The following RAB3IL1 variants were observed in gnomAD, a reference collection of about 807,000 sequenced individuals.
RAB3IL1 encodes RAB3A interacting protein like 1.
In RAB3IL1, 37 loss-of-function variants were observed where a neutral mutation model predicts 49.2. That is an observed-to-expected ratio of 0.75 (90% confidence interval 0.58 to 0.99). The LOEUF (loss-of-function observed/expected upper bound fraction) is 0.99, where lower values mean the gene tolerates loss of function less well. Among genes scored for constraint, RAB3IL1 ranks in the 50% least tolerant of loss-of-function variants. The pLI is 0.00. For missense variants in RAB3IL1, 484 were observed against 513.0 expected, an observed-to-expected ratio of 0.94 and a Z score of 0.55; for synonymous variants, 193 against 213.9, an observed-to-expected ratio of 0.90 and a Z score of 0.85.
chr11:61,932,972 T>A, the RAB3IL1 span, among the ~76,000 whole-genome samples: 4 of 152,284 alleles, frequency 2.6e-5, no homozygotes, highest in Middle Eastern at 0.01. Context: ...GATTTCACCA[T>A]GTTGGCCAGG....
At chr11:61,919,892 G>C, upstream of RAB3IL1, 1 of 465,854 alleles carries the variant, frequency 2.1e-6, no homozygotes, top group Non-Finnish European at 3.5e-6. Flanking sequence ...CCCTCTCTGA[G>C]CTTCAGTCTC....
chr11:61,919,275 G>T (rs887558843), upstream of RAB3IL1, among the ~76,000 whole-genome samples: 1 of 152,158 alleles, frequency 6.6e-6, no homozygotes, highest in Non-Finnish European at 1.5e-5. Context: ...CTGGTGGACC[G>T]GGGAGGCCCT....
the RAB3IL1 span, among the ~76,000 whole-genome samples, chr11:61,926,144 A>T: frequency 6.6e-6 from 1 of 150,866 alleles, no homozygotes; most frequent in Admixed American, 6.6e-5. Context: ...ATTAAAAGGC[A>T]AATAACTTGG....
chr11:61,932,046 T>C, the RAB3IL1 span, among the ~76,000 whole-genome samples: 3 of 152,030 alleles, frequency 2.0e-5, no homozygotes, highest in Non-Finnish European at 4.4e-5. Context: ...GGTCAGGAGT[T>C]TGAGACCATC....
upstream of RAB3IL1, among the ~76,000 whole-genome samples, chr11:61,921,074 G>C (rs1939895085): frequency 6.6e-6 from 1 of 151,998 alleles, no homozygotes; most frequent in Non-Finnish European, 1.5e-5. Flanking sequence ...CCAGGCTGGA[G>C]GGCAGCCTCA....
chr11:61,905,385 C>G (rs778620136), intron 5 of RAB3IL1, among the ~76,000 whole-genome samples: 4 of 151,974 alleles, frequency 2.6e-5, no homozygotes, highest in Non-Finnish European at 4.4e-5. Flanking sequence ...CTCTTTGGAG[C>G]CATTTACCTG....
chr11:61,934,420 A>ATGTGTG, the RAB3IL1 span, among the ~76,000 whole-genome samples: 1 of 61,822 alleles, frequency 1.6e-5, no homozygotes, highest in Non-Finnish European at 3.7e-5. Context: ...ATACATATAT[A>ATGTGTG]TGTGTATGTG....
Position 61,906,960 on chromosome 11 carries a change from G to C in RAB3IL1, c.439-276C>G, listed in dbSNP as rs952667525. ...TCTGGGAGCTGGCTGGGCCTCCCAT[G>C]AGAGTTCTGGGACCGCCCCCAGGAG... On this transcript the variant is annotated intron_variant, in intron 4 of 9. Coordinates refer to ENST00000394836, the MANE Select transcript of RAB3IL1 (RefSeq NM_013401.4). The surrounding 1 kb of genome is among the most constrained non-coding windows in gnomAD (Gnocchi z 4.6). Among the ~76,000 whole-genome samples the C allele has an allele frequency of 6.6e-6, 1 of 152,228 alleles. No individual in the cohort carries two copies. Among genetic ancestry groups the C allele is most frequent in the African/African-American group, 2.4e-5 (1 of 41,462 alleles).
intron 1 of RAB3IL1, among the ~76,000 whole-genome samples, chr11:61,910,091 C>T (rs1315868824): frequency 6.6e-6 from 1 of 152,176 alleles, no homozygotes; most frequent in Non-Finnish European, 1.5e-5. Flanking sequence ...GATGAGGGGA[C>T]GGAGGCTCAC....
At chr11:61,945,706 C>CA in the RAB3IL1 span, 1 of 946,950 alleles carries the variant, frequency 1.1e-6, no homozygotes, top group Non-Finnish European at 1.3e-6. Flanking sequence ...ACCCACCTGC[C>CA]ACGAGCCCCA....
At position 61,898,810 on chromosome 11, in the gene RAB3IL1, A is replaced by AC; in HGVS notation, c.1067-451dup. ...TGGCCTTGGCCTCCAAGAGGACTTG[A>AC]CCCCCAGGATGGAGAGGAGATAGCT... On this transcript the variant is annotated intron_variant, in intron 9 of 9. Coordinates refer to ENST00000394836, the MANE Select transcript of RAB3IL1 (RefSeq NM_013401.4). This position sits in a 1 kb window ranked among gnomAD's most constrained non-coding sequence, Gnocchi z 5.1. 1 of 468,396 alleles carries AC rather than the reference A, an allele frequency of 2.1e-6. No individual in the cohort carries two copies. The highest frequency in any genetic ancestry group is 4.2e-6 in the Non-Finnish European group (1 of 235,578). 29.0% of individuals were successfully genotyped at this position (468,396 alleles called of 1,614,324 possible). A position where few individuals can be genotyped will look rare whatever the true frequency, so the allele number is the denominator to read the frequency against.
upstream of RAB3IL1, chr11:61,917,711 A>G (rs1481466595): frequency 1.8e-5 from 6 of 328,502 alleles, no homozygotes; most frequent in Non-Finnish European, 2.6e-5. Flanking sequence ...CTCGGAGGGA[A>G]CCCGGCCCCC....
the RAB3IL1 span, among the ~76,000 whole-genome samples, chr11:61,944,335 G>A: frequency 1.3e-5 from 2 of 150,842 alleles, no homozygotes; most frequent in Non-Finnish European, 2.9e-5. Flanking sequence ...GAGCTGGTGT[G>A]ATCATAGCTC....
At chr11:61,920,033 G>A, upstream of RAB3IL1, 1 of 1,250,354 alleles carries the variant, frequency 8.0e-7, no homozygotes, top group East Asian at 3.1e-5. Flanking sequence ...CCCAGGTCCT[G>A]AGCTCACCTG....
At chr11:61,942,461 AT>A in the RAB3IL1 span, among the ~76,000 whole-genome samples, 1 of 141,666 alleles carries the variant, frequency 7.1e-6, no homozygotes, top group Admixed American at 7.1e-5. Flanking sequence ...CAATAAAAAA[AT>A]AAATTAAAAA....
the RAB3IL1 span, among the ~76,000 whole-genome samples, chr11:61,944,220 C>CTCCT: frequency 0.1 from 3,741 of 37,024 alleles, 154 homozygotes; most frequent in Middle Eastern, 0.29. Flanking sequence ...CCTTCCTTCC[C>CTCCT]TCCTTCCTTC....
chr11:61,912,506 G>A (rs116793240), intron 1 of RAB3IL1, among the ~76,000 whole-genome samples: 72 of 152,288 alleles, frequency 4.7e-4, no homozygotes, highest in African/African-American at 1.7e-3. Flanking sequence ...CCACATCCAC[G>A]CCAGCCCACC....
At position 61,898,144 on chromosome 11, in the gene RAB3IL1, C is replaced by G. The variant is rs1938705980; in HGVS notation, c.*134G>C. ...GTGTGGTGCTGGCTCAGTGCTGCCT[C>G]CATGGCCTGTCTGTCCATCCATTCT... On this transcript the variant is annotated 3_prime_UTR_variant, in exon 10 of 10. Transcript: ENST00000394836. This position sits in a 1 kb window ranked among gnomAD's most constrained non-coding sequence, Gnocchi z 5.1. The G allele has an allele frequency of 3.7e-6, 3 of 806,018 alleles. No individual in the cohort carries two copies. The highest frequency in any genetic ancestry group is 6.2e-6 in the Non-Finnish European group (3 of 484,892). The allele number at this position is 806,018 out of a possible 1,614,324, so 49.9% of individuals were successfully genotyped here.
the RAB3IL1 span, among the ~76,000 whole-genome samples, chr11:61,941,269 T>A: frequency 1.3e-5 from 2 of 151,758 alleles, no homozygotes; most frequent in Non-Finnish European, 2.9e-5. Flanking sequence ...AAAACTTGAA[T>A]AGACCTCAAA....
Sources: gnomAD v4.1 joint callset for allele counts (sites outside exome capture counted in the v4.1 genomes callset) on GRCh38, gnomAD v4.1.1 for gene constraint, Gnocchi (gnomAD v3.1) non-coding constraint, MANE v1.5 for transcripts, NCBI Gene and HGNC (gene_info 2026-07-23, HGNC 2026-07-21) for gene names.